The following INO80D variants were observed in gnomAD, a reference collection of about 807,000 sequenced individuals.
INO80D encodes INO80 complex subunit D.
Under a neutral mutation model 87.6 loss-of-function variants are expected in INO80D, and 21 were observed. The ratio of observed to expected loss-of-function variants is 0.24; its 90% CI spans 0.17 to 0.35. The LOEUF (loss-of-function observed/expected upper bound fraction) is 0.35. Among genes scored for constraint, INO80D ranks in the 10% least tolerant of loss-of-function variants. The pLI is 1.00. For synonymous variants in INO80D, 440 were observed against 491.0 expected (o/e 0.90, Z 1.37); for missense variants, 982 against 1,280.7 (o/e 0.77, Z 3.56).
rs547705469 is a variant in INO80D at position 206,062,679 on chromosome 2, G to A, written c.218+120C>T. The A allele has an allele frequency of 6.3e-4, 504 of 796,512 alleles. 2 individuals carry two copies. Among genetic ancestry groups the A allele is most frequent in the Non-Finnish European group, 6.4e-4 (316 of 495,512 alleles). The allele number at this position is 796,512 out of a possible 1,614,324, so 49.3% of individuals were successfully genotyped here. On this transcript the variant is annotated intron_variant, in intron 3 of 10. Coordinates refer to ENST00000403263, the MANE Select transcript of INO80D (RefSeq NM_017759.5). The surrounding 1 kb of genome is among the most constrained non-coding windows in gnomAD (Gnocchi z 4.6). ...CCCCCAGAATTCAACATTTATATAG[G>A]TGGAGGAAGGGAGGGAGGGAGAAAT...
intron 8 of INO80D, among the ~76,000 whole-genome samples, chr2:206,011,487 T>C (rs1688173470): frequency 6.6e-6 from 1 of 152,220 alleles, no homozygotes; most frequent in Admixed American, 6.5e-5. Context: ...GCTTTCCTAA[T>C]GCCAGCTGTT....
intron 7 of INO80D, among the ~76,000 whole-genome samples, chr2:206,019,418 TTAA>T (rs1398665285): frequency 2.6e-5 from 4 of 152,228 alleles, no homozygotes; most frequent in Non-Finnish European, 5.9e-5. Flanking sequence ...ATTTTTTCCA[TTAA>T]TGAGTGTTAT....
intron 6 of INO80D, among the ~76,000 whole-genome samples, chr2:206,020,904 C>T (rs1180433171): frequency 2.0e-5 from 3 of 151,952 alleles, no homozygotes; most frequent in Non-Finnish European, 2.9e-5. Flanking sequence ...TGACTGTAAT[C>T]CCAGCACTTT....
Position 206,003,325 on chromosome 2 carries a change from T to A in INO80D, c.*1043A>T, listed in dbSNP as rs1559426312. ...AAAGATGGATCAAGGAGTTGACAGATCCCATCTTTTCAAATCTATCTGACC... is the reference window on the plus strand; with the variant it reads ...AAAGATGGATCAAGGAGTTGACAGAACCCATCTTTTCAAATCTATCTGACC... On this transcript the variant is annotated 3_prime_UTR_variant, in exon 11 of 11. Coordinates refer to ENST00000403263, the MANE Select transcript of INO80D (RefSeq NM_017759.5). The A allele has an allele frequency of 6.6e-6, 1 of 152,186 alleles. No individual in the cohort carries two copies. The highest frequency in any genetic ancestry group is 1.5e-5 in the Non-Finnish European group (1 of 68,034). 9.4% of individuals were successfully genotyped at this position (152,186 alleles called of 1,614,324 possible). A position where few individuals can be genotyped will look rare whatever the true frequency, so the allele number is the denominator to read the frequency against.
rs779168216 is a variant in INO80D at position 206,004,832 on chromosome 2, T to C, written c.2620A>G (p.Thr874Ala). The C allele has an allele frequency of 3.1e-6, 5 of 1,613,942 alleles. No homozygotes were observed. The highest frequency in any genetic ancestry group is 1.1e-5 in the South Asian group (1 of 91,070). ...MPIMAQHLLP[T>A]QLEVPLGGVV... ...CCTCCAAGTGGCACCTCAAGTTGGG[T>C]TGGGAGCAAGTGCTGCGCCATGATG... The change falls in exon 11 of 11, where the codon ACC becomes GCC. Residue 874 changes from threonine to alanine, a missense_variant. Coordinates refer to ENST00000403263, the MANE Select transcript of INO80D (RefSeq NM_017759.5). This position sits in a 1 kb window ranked among gnomAD's most constrained non-coding sequence, Gnocchi z 4.9.
At position 206,004,933 on chromosome 2, in the gene INO80D, C is replaced by T. The variant is rs1284489907; in HGVS notation, c.2519G>A (p.Ser840Asn). 1 of 1,614,000 alleles carries T rather than the reference C, an allele frequency of 6.2e-7. No homozygotes were observed. Among genetic ancestry groups the T allele is most frequent in the Non-Finnish European group, 8.5e-7 (1 of 1,179,898 alleles). ...TGTGTGGGGAGAGGTGATATGGTCACTGTAGGGAGACGGCACATGCTCACT... is the reference window on the plus strand; with the variant it reads ...TGTGTGGGGAGAGGTGATATGGTCATTGTAGGGAGACGGCACATGCTCACT... ...YDSEHVPSPY[S>N]DHITSPHTTS... The change falls in exon 11 of 11, where the codon AGT (serine) becomes AAT (asparagine). Residue 840 changes from serine (S) to asparagine (N), a missense_variant. By Grantham distance (46) the Ser-to-Asn change is conservative. Transcript: ENST00000403263. The surrounding 1 kb of genome is among the most constrained non-coding windows in gnomAD (Gnocchi z 4.9).
At chr2:206,068,510 T>C (rs542330363) in intron 1 of INO80D, among the ~76,000 whole-genome samples, 15 of 152,280 alleles carry the variant, frequency 9.9e-5, no homozygotes, top group African/African-American at 3.6e-4. Flanking sequence ...GCCATGCTCA[T>C]TCATTTACAT....
Position 206,046,573 on chromosome 2 carries a change from T to A in INO80D, c.1004A>T (p.Asp335Val). ...CTGGTAGGGCGAGGCCTGCTCTGAG[T>A]CCTCTGGTTCCTCTCCGCTCTCTTC... is the stretch of plus-strand genomic sequence containing the variant. ...WSEESGEEPE[D>V]SEQASPYQVA... The change falls in exon 5 of 11, where the codon GAC (aspartate) becomes GTC (valine). Residue 335 changes from aspartate to valine, a missense_variant. Asp to Val is a radical substitution (Grantham distance 152). Coordinates refer to ENST00000403263, the MANE Select transcript of INO80D (RefSeq NM_017759.5). 6.2e-7 allele frequency: 1 copy of A among 1,613,870 alleles called. No individual in the cohort carries two copies. Among genetic ancestry groups the A allele is most frequent in the Non-Finnish European group, 8.5e-7 (1 of 1,179,788 alleles).
At chr2:206,071,156 A>G (rs1575883068) in intron 1 of INO80D, among the ~76,000 whole-genome samples, 1 of 148,118 alleles carries the variant, frequency 6.8e-6, no homozygotes, top group Non-Finnish European at 1.5e-5. Context: ...ATGGGGTTTC[A>G]TCATATTGGT....
At chr2:206,025,545 ATATAT>A (rs1559439680) in intron 6 of INO80D, 9 of 118,588 alleles carry the variant, frequency 7.6e-5, no homozygotes, top group African/African-American at 1.3e-4. Flanking sequence ...AAAAAAAAAT[ATATAT>A]ATATATATAT....
chr2:206,068,506 C>T lies in INO80D; in HGVS notation c.-123-5262G>A, dbSNP rs540455178. 7.2e-5 allele frequency among the ~76,000 whole-genome samples: 11 copies of T among 152,258 alleles called. No homozygotes were observed. The South Asian group carries it at 2.3e-3, about 32-fold the overall frequency. On this transcript the variant is annotated intron_variant, in intron 1 of 10. Transcript: ENST00000403263. ...AAAGTTTTATTGGAACACAGCCATGCTCATTCATTTACATACTGTCCATGC... is the reference window on the plus strand; with the variant it reads ...AAAGTTTTATTGGAACACAGCCATGTTCATTCATTTACATACTGTCCATGC...
At chr2:206,032,107 G>A (rs1315807648) in intron 5 of INO80D, among the ~76,000 whole-genome samples, 1 of 152,164 alleles carries the variant, frequency 6.6e-6, no homozygotes, top group African/African-American at 2.4e-5. Context: ...GCAGCCAGAG[G>A]CATGGGGAAA....
chr2:206,014,250 T>C (rs1443880194), intron 8 of INO80D, among the ~76,000 whole-genome samples: 1 of 152,188 alleles, frequency 6.6e-6, no homozygotes, highest in African/African-American at 2.4e-5. Context: ...AATTGTAATA[T>C]GTAGTTTAGT....
At chr2:206,054,329 T>A (rs186981025) in intron 4 of INO80D, among the ~76,000 whole-genome samples, 28 of 151,876 alleles carry the variant, frequency 1.8e-4, no homozygotes, top group Non-Finnish European at 3.2e-4. Flanking sequence ...GCCTGCTACA[T>A]AATATTTCAT....
chr2:206,086,099 C>G lies in INO80D; in HGVS notation c.-322G>C, dbSNP rs1690464334. ...TTATTTTGGAAACTAAAAAGTGCTC[C>G]CAGGGTCGGTGATTATTAAGGGGAA... On this transcript the variant is annotated 5_prime_UTR_variant, in exon 1 of 11. Coordinates refer to ENST00000403263, the MANE Select transcript of INO80D (RefSeq NM_017759.5). 1 of 152,128 alleles carries G rather than the reference C, an allele frequency of 6.6e-6. No homozygotes were observed. Among genetic ancestry groups the G allele is most frequent in the Non-Finnish European group, 1.5e-5 (1 of 68,050 alleles). The allele number at this position is 152,128 out of a possible 1,614,324, so 9.4% of individuals were successfully genotyped here.
At position 206,005,227 on chromosome 2, in the gene INO80D, G is replaced by A; in HGVS notation, c.2225C>T (p.Ser742Leu). 6.2e-7 allele frequency: 1 copy of A among 1,614,026 alleles called. No individual in the cohort carries two copies. Among genetic ancestry groups the A allele is most frequent in the Non-Finnish European group, 8.5e-7 (1 of 1,179,888 alleles). Residue 742 changes from serine to leucine, a missense_variant, in exon 11 of 11, where the codon TCA becomes TTA. Coordinates refer to ENST00000403263, the MANE Select transcript of INO80D (RefSeq NM_017759.5). ...CCCTGCCAGGGGTGTAGGTGGGTTTGACAAGGTAGCAGAACGGAGCAGGTT... is the reference window on the plus strand; with the variant it reads ...CCCTGCCAGGGGTGTAGGTGGGTTTAACAAGGTAGCAGAACGGAGCAGGTT... ...DENLLRSATL[S>L]NPPTPLAGQI...
chr2:206,007,167 A>T, intron 10 of INO80D, 117 bp downstream of exon 10: 1 of 828,342 alleles, frequency 1.2e-6, no homozygotes, highest in Non-Finnish European at 1.9e-6. Context: ...TTTCCTATCT[A>T]CAGTGAAAGA....
chr2:206,026,545 C>CA (rs35936211), intron 6 of INO80D, among the ~76,000 whole-genome samples: 20 of 138,370 alleles, frequency 1.4e-4, no homozygotes, highest in Non-Finnish European at 2.5e-4. Flanking sequence ...GGCTCCGTCT[C>CA]AAAAAAAAAT....
intron 8 of INO80D, among the ~76,000 whole-genome samples, chr2:206,016,218 T>C (rs1474603226): frequency 1.3e-5 from 2 of 152,216 alleles, no homozygotes; most frequent in Non-Finnish European, 2.9e-5. Flanking sequence ...TGGGAACCTA[T>C]GTTTTGCATG....
Sources: allele counts gnomAD v4.1 joint callset (sites outside exome capture counted in the v4.1 genomes callset), GRCh38; gene constraint gnomAD v4.1.1; non-coding constraint Gnocchi (gnomAD v3.1); transcripts MANE v1.5; gene names NCBI Gene and HGNC (gene_info 2026-07-23, HGNC 2026-07-21).